Variants in PRRX2 observed in about 807,000 individuals in gnomAD.
The protein encoded by PRRX2 is paired related homeobox 2.
A neutral mutation model predicts 18.0 loss-of-function variants in PRRX2; 11 were observed. The ratio of observed to expected loss-of-function variants is 0.61; its 90% CI spans 0.39 to 1.01. PRRX2 has a LOEUF of 1.01. Among genes scored for constraint, PRRX2 ranks in the 50% least tolerant of loss-of-function variants. The pLI is 0.01. For missense variants in PRRX2, 387 were observed against 351.0 expected, an observed-to-expected ratio of 1.10 and a Z score of -0.82; for synonymous variants, 177 against 154.8, an observed-to-expected ratio of 1.14 and a Z score of -1.06.
At chr9:129,670,898 G>A (rs377587025) in intron 1 of PRRX2, among the ~76,000 whole-genome samples, 1 of 152,180 alleles carries the variant, frequency 6.6e-6, no homozygotes, top group East Asian at 1.9e-4. Flanking sequence ...CTATTTCCTG[G>A]GACAAGGGGA....
intron 1 of PRRX2, among the ~76,000 whole-genome samples, chr9:129,699,826 G>C (rs1832472436): frequency 6.6e-6 from 1 of 152,152 alleles, no homozygotes; most frequent in African/African-American, 2.4e-5. Context: ...GCAAGCTTTG[G>C]GGAGGAAGTG....
At position 129,677,942 on chromosome 9, in the gene PRRX2, T is replaced by TTTTC. The variant is rs1259785281; in HGVS notation, c.259+11832_259+11835dup. 1.4e-3 allele frequency among the ~76,000 whole-genome samples: 210 copies of TTTTC among 150,338 alleles called. 1 individual carries two copies. Among genetic ancestry groups the TTTTC allele is most frequent in the Middle Eastern group, 3.4e-3 (1 of 290 alleles). On this transcript the variant is annotated intron_variant, in intron 1 of 3. Transcript: ENST00000372469. ...CAGCAAATTTAAGGCTGCGGCTGCTTTTTCTTTCTTTCTTTCTTTTTTTTT... is the reference window on the plus strand; with the variant it reads ...CAGCAAATTTAAGGCTGCGGCTGCTTTTTCTTTCTTTCTTTCTTTCTTTTTTTTT...
At chr9:129,711,516 A>G (rs1294991503) in intron 1 of PRRX2, among the ~76,000 whole-genome samples, 1 of 145,458 alleles carries the variant, frequency 6.9e-6, no homozygotes, top group Non-Finnish European at 1.5e-5. Context: ...AGCAATTCTC[A>G]TGCCCCAGCC....
At chr9:129,693,633 C>T (rs1464915871) in intron 1 of PRRX2, among the ~76,000 whole-genome samples, 1 of 150,498 alleles carries the variant, frequency 6.6e-6, no homozygotes, top group Non-Finnish European at 1.5e-5. Flanking sequence ...TCTTTTGGGG[C>T]AAAACTCGCC....
At position 129,675,324 on chromosome 9, in the gene PRRX2, G is replaced by A. The variant is rs1213036962; in HGVS notation, c.259+9198G>A. On this transcript the variant is annotated intron_variant, in intron 1 of 3. Transcript: ENST00000372469. The surrounding 1 kb of genome is among the most constrained non-coding windows in gnomAD (Gnocchi z 4.4). ...AGTACCAGCCCAAGGCAGCCCAGGG[G>A]CGTGGAATGCAGGGGTGATGTGATA... Among the ~76,000 whole-genome samples, 1 of 152,200 alleles carries A rather than the reference G, an allele frequency of 6.6e-6. No individual in the cohort carries two copies. The highest frequency in any genetic ancestry group is 1.5e-5 in the Non-Finnish European group (1 of 68,016).
At chr9:129,704,392 G>A (rs1442892510) in intron 1 of PRRX2, among the ~76,000 whole-genome samples, 1 of 152,166 alleles carries the variant, frequency 6.6e-6, no homozygotes, top group Admixed American at 6.5e-5. Context: ...CAAGAGGAGA[G>A]ACCTCTTGTC....
intron 1 of PRRX2, among the ~76,000 whole-genome samples, chr9:129,687,030 C>T (rs1429406405): frequency 2.0e-5 from 3 of 152,040 alleles, no homozygotes; most frequent in African/African-American, 4.8e-5. Context: ...TGCAGGGAAG[C>T]CCCCTGCAGA....
chr9:129,709,600 T>C lies in PRRX2; in HGVS notation c.260-9631T>C, dbSNP rs936602220. The stretch of plus-strand genomic sequence containing the variant: ...GGGGCCCCCTGGGGACCTGTCTGAC[T>C]CCTCGGGCCCCACTGCGGCTTCCAT... On this transcript the variant is annotated intron_variant, in intron 1 of 3. Coordinates refer to ENST00000372469, the MANE Select transcript of PRRX2 (RefSeq NM_016307.4). The surrounding 1 kb of genome is among the most constrained non-coding windows in gnomAD (Gnocchi z 4.2). Among the ~76,000 whole-genome samples the C allele has an allele frequency of 6.6e-6, 1 of 152,200 alleles. No homozygotes were observed. The highest frequency in any genetic ancestry group is 2.4e-5 in the African/African-American group (1 of 41,448).
intron 1 of PRRX2, among the ~76,000 whole-genome samples, chr9:129,687,234 A>T (rs930197596): frequency 2.7e-4 from 41 of 152,196 alleles, no homozygotes; most frequent in African/African-American, 7.5e-4. Context: ...ATAAAACATT[A>T]AAAAAGAAAA....
At chr9:129,685,557 C>T (rs1001104676) in intron 1 of PRRX2, among the ~76,000 whole-genome samples, 7 of 151,850 alleles carry the variant, frequency 4.6e-5, no homozygotes, top group South Asian at 2.1e-4. Context: ...TAGAGACGAG[C>T]GTCTCGAACT....
At chr9:129,700,866 G>A (rs1051417533) in intron 1 of PRRX2, among the ~76,000 whole-genome samples, 1 of 152,302 alleles carries the variant, frequency 6.6e-6, no homozygotes, top group Non-Finnish European at 1.5e-5. Flanking sequence ...CGATCCACCC[G>A]CCTCAGCCTC....
At chr9:129,718,294 C>A (rs987447958) in intron 1 of PRRX2, among the ~76,000 whole-genome samples, 12 of 152,172 alleles carry the variant, frequency 7.9e-5, no homozygotes, top group African/African-American at 2.9e-4. Context: ...TCCTTCAAAC[C>A]CTTTGCAAGC....
intron 3 of PRRX2, among the ~76,000 whole-genome samples, chr9:129,721,661 C>T (rs1329988795): frequency 6.6e-6 from 1 of 152,124 alleles, no homozygotes; most frequent in Non-Finnish European, 1.5e-5. Flanking sequence ...CTCACTGCAA[C>T]CTCCGCCTCC....
intron 1 of PRRX2, among the ~76,000 whole-genome samples, chr9:129,679,608 C>T (rs772581516): frequency 1.3e-5 from 2 of 152,228 alleles, no homozygotes; most frequent in Admixed American, 6.5e-5. Context: ...CTACCCCTGC[C>T]GACCTGGAGT....
chr9:129,714,729 G>C (rs1279924586), intron 1 of PRRX2, among the ~76,000 whole-genome samples: 1 of 152,304 alleles, frequency 6.6e-6, no homozygotes, highest in Admixed American at 6.5e-5. Flanking sequence ...GCGCTTACTC[G>C]GCAAGGCGAA....
At chr9:129,679,722 A>T (rs1832204079) in intron 1 of PRRX2, among the ~76,000 whole-genome samples, 1 of 152,146 alleles carries the variant, frequency 6.6e-6, no homozygotes, top group Admixed American at 6.5e-5. Context: ...TGCTGAACGA[A>T]ACCAGAGGTG....
At chr9:129,718,709 G>C (rs1832747052) in intron 1 of PRRX2, 1 of 152,386 alleles carries the variant, frequency 6.6e-6, no homozygotes, top group African/African-American at 2.4e-5. Flanking sequence ...GGGCTCCTGG[G>C]AGCTTCCTAG....
chr9:129,688,977 C>T (rs556842715), intron 1 of PRRX2, among the ~76,000 whole-genome samples: 1 of 152,326 alleles, frequency 6.6e-6, no homozygotes, highest in South Asian at 2.1e-4. Flanking sequence ...AGAATAGAAT[C>T]TTTTCAGGTT....
At chr9:129,680,163 A>G (rs1588163572) in intron 1 of PRRX2, among the ~76,000 whole-genome samples, 1 of 152,150 alleles carries the variant, frequency 6.6e-6, no homozygotes, top group Middle Eastern at 3.4e-3. Context: ...GCACTTTGGG[A>G]GGCTGAGAAG....
Sources: allele counts gnomAD v4.1 joint callset (sites outside exome capture counted in the v4.1 genomes callset), GRCh38; gene constraint gnomAD v4.1.1; non-coding constraint Gnocchi (gnomAD v3.1); transcripts MANE v1.5; gene names NCBI Gene and HGNC (gene_info 2026-07-23, HGNC 2026-07-21).